PSEN1: variants seen among roughly 807,000 people sequenced by gnomAD.
PSEN1 encodes presenilin-1.
Under a neutral mutation model 53.5 loss-of-function variants are expected in PSEN1, and 15 were observed. The ratio of observed to expected loss-of-function variants is 0.28; its 90% CI spans 0.19 to 0.43. The LOEUF is 0.43. PSEN1 is among the 20% of genes least tolerant of loss of function. PSEN1 has a pLI of 1.00. For synonymous variants in PSEN1, 208 were observed against 209.8 expected, an observed-to-expected ratio of 0.99 and a Z score of 0.08; for missense variants, 387 against 571.2, an observed-to-expected ratio of 0.68 and a Z score of 3.29.
intron 1 of PSEN1, among the ~76,000 whole-genome samples, chr14:73,143,491 C>A (rs1363411144): frequency 6.6e-6 from 1 of 152,128 alleles, no homozygotes; most frequent in Non-Finnish European, 1.5e-5. Context: ...CATGTCAGTA[C>A]AGATTCCTTT....
At chr14:73,141,707 C>T (rs535398796) in intron 1 of PSEN1, among the ~76,000 whole-genome samples, 3 of 152,092 alleles carry the variant, frequency 2.0e-5, no homozygotes, top group Non-Finnish European at 4.4e-5. Context: ...ATTGCTTGAA[C>T]CCAGGAGGTG....
intron 11 of PSEN1, among the ~76,000 whole-genome samples, chr14:73,218,699 G>A (rs550679159): frequency 5.8e-4 from 86 of 148,942 alleles, no homozygotes; most frequent in African/African-American, 2.0e-3. Context: ...ACAGCATAGA[G>A]AAGCCCCCGC....
chr14:73,162,976 T>G (rs1897598356), intron 3 of PSEN1, among the ~76,000 whole-genome samples: 1 of 152,232 alleles, frequency 6.6e-6, no homozygotes, highest in African/African-American at 2.4e-5. Context: ...TTATTTTTAA[T>G]TTTTGCTTTG....
Position 73,170,937 on chromosome 14 carries a change from A to G in PSEN1, c.228A>G (p.Lys76=). ...AAGAAGATGAGGAGCTGACATTGAA[A>G]TATGGCGCCAAGCATGTGATCATGC... ...DEEEDEELTL[K]YGAKHVIMLF... is the part of the protein sequence containing the mutation. Residue 76 remains lysine (K), a synonymous_variant, in exon 4 of 12, where the codon AAA becomes AAG. Transcript: ENST00000324501. The G allele has an allele frequency of 6.2e-7, 1 of 1,614,220 alleles. No homozygotes were observed.
rs117973146 is a variant in PSEN1 at position 73,186,490 on chromosome 14, A to G, written c.481-363A>G. 2.2e-3 allele frequency among the ~76,000 whole-genome samples: 335 copies of G among 152,100 alleles called. 9 individuals are homozygous for G. In the East Asian group the frequency reaches 0.056, roughly 25 times the overall value. On this transcript the variant is annotated intron_variant, in intron 5 of 11. Transcript: ENST00000324501. ...TTTTATAAAGTTGTTTTAAAGAGAGATGTGGGCCGGGCATAGTGGTGCACA... is the reference window on the plus strand; with the variant it reads ...TTTTATAAAGTTGTTTTAAAGAGAGGTGTGGGCCGGGCATAGTGGTGCACA...
chr14:73,209,043 T>G (rs1594752482), intron 9 of PSEN1: 1 of 336,322 alleles, frequency 3.0e-6, no homozygotes, highest in Non-Finnish European at 5.9e-6. Flanking sequence ...CCCGGCCAGG[T>G]CATGACAGCA....
At chr14:73,184,394 A>ACC (rs1369272867) in intron 5 of PSEN1, among the ~76,000 whole-genome samples, 1 of 91,434 alleles carries the variant, frequency 1.1e-5, no homozygotes, top group African/African-American at 4.3e-5. Flanking sequence ...CGGGGGGCTG[A>ACC]CCCCCCCACC....
intron 5 of PSEN1, among the ~76,000 whole-genome samples, chr14:73,178,525 T>C (rs978543557): frequency 3.9e-4 from 60 of 152,162 alleles, no homozygotes; most frequent in Non-Finnish European, 8.8e-5. Context: ...CAAATAACTT[T>C]TTATTCCACA....
intron 1 of PSEN1, among the ~76,000 whole-genome samples, chr14:73,141,358 C>T (rs1896920764): frequency 6.6e-6 from 1 of 152,024 alleles, no homozygotes; most frequent in Admixed American, 6.6e-5. Flanking sequence ...ACTACCCTTG[C>T]TCTTTTTAGC....
At chr14:73,140,844 A>G (rs1896905814) in intron 1 of PSEN1, among the ~76,000 whole-genome samples, 1 of 152,214 alleles carries the variant, frequency 6.6e-6, no homozygotes, top group Non-Finnish European at 1.5e-5. Flanking sequence ...TAGTAACTCT[A>G]CATTACAGAC....
intron 8 of PSEN1, among the ~76,000 whole-genome samples, chr14:73,204,234 G>T (rs1456359238): frequency 6.6e-6 from 1 of 151,154 alleles, no homozygotes; most frequent in Non-Finnish European, 1.5e-5. Context: ...CTGACCTCAG[G>T]TGATCCACCC....
chr14:73,174,003 C>T, intron 5 of PSEN1: 1 of 555,286 alleles, frequency 1.8e-6, no homozygotes, highest in Admixed American at 3.2e-5. Context: ...AAACAAAAAA[C>T]AAATATTGGA....
At position 73,148,001 on chromosome 14, in the gene PSEN1, T is replaced by C. The variant is rs1897117818; in HGVS notation, c.-19T>C. ...AGGCTTTGTTTTCTGTGAAACAGTATTTCTATACAGTTGCTCCAATGACAG... is the reference window on the plus strand; with the variant it reads ...AGGCTTTGTTTTCTGTGAAACAGTACTTCTATACAGTTGCTCCAATGACAG... On this transcript the variant is annotated 5_prime_UTR_variant, in exon 3 of 12. Transcript: ENST00000324501. 5.6e-6 allele frequency: 9 copies of C among 1,597,624 alleles called. No individual in the cohort carries two copies. The highest frequency in any genetic ancestry group is 7.7e-6 in the Non-Finnish European group (9 of 1,164,932).
intron 8 of PSEN1, among the ~76,000 whole-genome samples, chr14:73,204,569 A>G (rs773293119): frequency 1.3e-5 from 2 of 151,998 alleles, no homozygotes; most frequent in African/African-American, 4.8e-5. Flanking sequence ...TGTGACACAC[A>G]AAACCTGAAA....
intron 6 of PSEN1, among the ~76,000 whole-genome samples, chr14:73,188,367 G>A (rs747926350): frequency 1.3e-5 from 2 of 152,156 alleles, no homozygotes; most frequent in Non-Finnish European, 2.9e-5. Context: ...TTAATAAATA[G>A]ACGGGGTCGG....
intron 10 of PSEN1, among the ~76,000 whole-genome samples, chr14:73,214,271 C>T (rs1899819510): frequency 6.6e-6 from 1 of 152,196 alleles, no homozygotes; most frequent in African/African-American, 2.4e-5. Flanking sequence ...GCTCAAGCAC[C>T]TGTAATCCCA....
intron 1 of PSEN1, among the ~76,000 whole-genome samples, chr14:73,138,707 T>A (rs1387541213): frequency 6.7e-6 from 1 of 148,608 alleles, no homozygotes; most frequent in African/African-American, 2.5e-5. Flanking sequence ...ACCCCTGTAA[T>A]CCCAGCACTT....
chr14:73,204,981 T>A (rs568952237), intron 8 of PSEN1, among the ~76,000 whole-genome samples: 13 of 152,380 alleles, frequency 8.5e-5, no homozygotes, highest in Non-Finnish European at 1.6e-4. Context: ...GCCTGCCTGG[T>A]TTCTGTTAAC....
chr14:73,165,413 G>A (rs903644779), intron 3 of PSEN1, among the ~76,000 whole-genome samples: 2 of 152,150 alleles, frequency 1.3e-5, no homozygotes, highest in Admixed American at 6.6e-5. Flanking sequence ...TGGGACTATA[G>A]GTATGTGCCA....
Sources: gnomAD v4.1 joint callset for allele counts (sites outside exome capture counted in the v4.1 genomes callset) on GRCh38, gnomAD v4.1.1 for gene constraint, MANE v1.5 for transcripts, NCBI Gene and HGNC (gene_info 2026-07-23, HGNC 2026-07-21) for gene names.